The following ADAMTS18 variants were observed in gnomAD, a reference collection of about 807,000 sequenced individuals.
ADAMTS18 encodes ADAM metallopeptidase with thrombospondin type 1 motif 18.
In ADAMTS18, 157 loss-of-function variants were observed where a neutral mutation model predicts 165.9. The observed-to-expected ratio is 0.95, with a 90% CI of 0.83 to 1.08. The LOEUF (loss-of-function observed/expected upper bound fraction) is 1.08, where lower values mean the gene tolerates loss of function less well. Ranked by LOEUF, ADAMTS18 falls within the 50% of genes least tolerant of loss-of-function variation. The pLI, the probability that ADAMTS18 is intolerant of heterozygous loss-of-function variation, is 0.00. For missense variants in ADAMTS18, 2,040 were observed against 1,534.0 expected, an observed-to-expected ratio of 1.33 and a Z score of -5.51; for synonymous variants, 782 against 578.2, an observed-to-expected ratio of 1.35 and a Z score of -5.06.
Position 77,322,469 on chromosome 16 carries a change from A to G in ADAMTS18, c.2033-3T>C. On this transcript the variant is annotated splice_polypyrimidine_tract_variant and splice_region_variant and intron_variant, in intron 13 of 22. Transcript: ENST00000282849. ...GTACAGTTTGCATCGATCTTCCTCT[A>G]GAAACAAAGAGATCAAGATAGGAAA... 6.2e-7 allele frequency: 1 copy of G among 1,613,898 alleles called. No individual in the cohort carries two copies. Among genetic ancestry groups the G allele is most frequent in the Non-Finnish European group, 8.5e-7 (1 of 1,179,860 alleles).
At chr16:77,367,293 C>T (rs2056809048) in intron 4 of ADAMTS18, 148 bp downstream of exon 4, 1 of 828,808 alleles carries the variant, frequency 1.2e-6, no homozygotes, top group African/African-American at 1.7e-5. Context: ...CCAGCATTTG[C>T]CTGAGAGAGA....
At chr16:77,434,391 T>G (rs1438609378) in intron 2 of ADAMTS18, 27 bp downstream of exon 2, 1 of 1,555,934 alleles carries the variant, frequency 6.4e-7, no homozygotes, top group Admixed American at 1.9e-5. Flanking sequence ...GAAAGGCCCT[T>G]CTTGGGGATG....
chr16:77,327,778 C>G (rs1404772716), intron 12 of ADAMTS18, among the ~76,000 whole-genome samples: 2 of 152,134 alleles, frequency 1.3e-5, no homozygotes, highest in South Asian at 2.1e-4. Context: ...AACATGGACC[C>G]AAGCTACCTC....
At chr16:77,334,433 GTATATTATA>G (rs2056254641) in intron 12 of ADAMTS18, among the ~76,000 whole-genome samples, 2 of 108,032 alleles carry the variant, frequency 1.9e-5, no homozygotes, top group African/African-American at 7.8e-5. Flanking sequence ...TATATATACT[GTATATTATA>G]GTATATATTA....
At position 77,339,605 on chromosome 16, in the gene ADAMTS18, A is replaced by AC. The variant is rs1555515106; in HGVS notation, c.1710+2098_1710+2099insG. ...CGATGTTGCTTTTTCAATTAAAAAAAAAAACAAAACACTAATCCTCAAGTC... is the reference window on the plus strand; with the variant it reads ...CGATGTTGCTTTTTCAATTAAAAAAACAAAACAAAACACTAATCCTCAAGTC... On this transcript the variant is annotated intron_variant, in intron 11 of 22. Transcript: ENST00000282849. 5.3e-5 allele frequency among the ~76,000 whole-genome samples: 8 copies of AC among 151,830 alleles called. 1 individual carries two copies. The East Asian group carries it at 9.7e-4, about 18-fold the overall frequency.
At chr16:77,412,019 G>A (rs1001705978) in intron 3 of ADAMTS18, among the ~76,000 whole-genome samples, 3 of 151,970 alleles carry the variant, frequency 2.0e-5, no homozygotes, top group Non-Finnish European at 2.9e-5. Flanking sequence ...CATTCTGGGT[G>A]TGTCTGTGAG....
At chr16:77,335,080 A>T (rs1310242739) in intron 12 of ADAMTS18, among the ~76,000 whole-genome samples, 3 of 147,700 alleles carry the variant, frequency 2.0e-5, no homozygotes, top group Non-Finnish European at 3.0e-5. Flanking sequence ...TATTTGAATT[A>T]ATGGTATTCA....
At chr16:77,381,116 C>T (rs572058555) in intron 3 of ADAMTS18, among the ~76,000 whole-genome samples, 7 of 152,160 alleles carry the variant, frequency 4.6e-5, no homozygotes, top group East Asian at 1.9e-4. Flanking sequence ...TCAGGTAATC[C>T]GCCTGCCTTG....
chr16:77,310,040 T>A (rs2055751735), intron 16 of ADAMTS18, among the ~76,000 whole-genome samples: 1 of 152,224 alleles, frequency 6.6e-6, no homozygotes, highest in South Asian at 2.1e-4. Flanking sequence ...CAGTGGTTTT[T>A]AAAATGTGTG....
intron 20 of ADAMTS18, among the ~76,000 whole-genome samples, chr16:77,292,436 C>T (rs529444343): frequency 3.9e-5 from 6 of 152,258 alleles, no homozygotes; most frequent in Middle Eastern, 6.8e-3. Flanking sequence ...GTAGAGGCTG[C>T]ACCCTCTGTC....
intron 3 of ADAMTS18, among the ~76,000 whole-genome samples, chr16:77,376,927 G>A (rs940756665): frequency 1.3e-5 from 2 of 148,566 alleles, no homozygotes; most frequent in Admixed American, 6.9e-5. Context: ...CGATTCTTCT[G>A]CCTCAGCCTC....
chr16:77,385,977 A>C (rs2057102110), intron 3 of ADAMTS18, among the ~76,000 whole-genome samples: 1 of 152,206 alleles, frequency 6.6e-6, no homozygotes, highest in African/African-American at 2.4e-5. Context: ...AACTGTCCAA[A>C]GTCTCAAAAG....
At chr16:77,354,753 G>C (rs2144716097) in intron 9 of ADAMTS18, among the ~76,000 whole-genome samples, 1 of 152,286 alleles carries the variant, frequency 6.6e-6, no homozygotes, top group South Asian at 2.1e-4. Context: ...AATAAGCAAA[G>C]TTAGCTGCTG....
chr16:77,365,069 G>T (rs990310686), intron 4 of ADAMTS18, among the ~76,000 whole-genome samples: 3 of 152,092 alleles, frequency 2.0e-5, no homozygotes, highest in African/African-American at 7.2e-5. Context: ...TCACCCCACT[G>T]CAGTCCATAA....
At chr16:77,430,373 T>G (rs908628194) in intron 3 of ADAMTS18, among the ~76,000 whole-genome samples, 2 of 152,170 alleles carry the variant, frequency 1.3e-5, no homozygotes, top group African/African-American at 2.4e-5. Flanking sequence ...AAGTTTCAAC[T>G]AACAAAGAAC....
chr16:77,395,620 A>G (rs1158741004), intron 3 of ADAMTS18, among the ~76,000 whole-genome samples: 1 of 152,176 alleles, frequency 6.6e-6, no homozygotes, highest in East Asian at 1.9e-4. Flanking sequence ...ACATAGCTCC[A>G]TGATTCTTTA....
rs1402727284 is a variant in ADAMTS18, at chr16:77,434,471, A to C, written c.125T>G (p.Val42Gly). ...GCTGTCACTGGCTAAGGCCGCGGCG[A>C]CCGACGCACAGCAGAGGCAGCACAG... Reference protein sequence around the residue: ...LQLCCLCCASVAAALASDSSS... With the variant: ...LQLCCLCCASGAAALASDSSS... Residue 42 changes from valine to glycine, a missense_variant, in exon 2 of 23, where the codon GTC becomes GGC. Coordinates refer to ENST00000282849, the MANE Select transcript of ADAMTS18 (RefSeq NM_199355.4). The C allele has an allele frequency of 1.6e-5, 25 of 1,570,264 alleles. No individual in the cohort carries two copies. Among genetic ancestry groups the C allele is most frequent in the Non-Finnish European group, 2.1e-5 (24 of 1,163,004 alleles).
At position 77,300,271 on chromosome 16, in the gene ADAMTS18, C is replaced by T; in HGVS notation, c.2666G>A (p.Cys889Tyr). Residue 889 changes from cysteine (C) to tyrosine (Y), a missense_variant, in exon 17 of 23, where the codon TGT (cysteine) becomes TAT (tyrosine). Coordinates refer to ENST00000282849, the MANE Select transcript of ADAMTS18 (RefSeq NM_199355.4). ...SIVQSECSVS[C>Y]GGGYINVKAI... ...ATGAGAAAATCATCTACCTCCACCACAGGAGACGGAGCACTCTGACTGCAC... is the reference window on the plus strand; with the variant it reads ...ATGAGAAAATCATCTACCTCCACCATAGGAGACGGAGCACTCTGACTGCAC... The T allele has an allele frequency of 6.2e-7, 1 of 1,614,126 alleles. No individual in the cohort carries two copies. Among genetic ancestry groups the T allele is most frequent in the South Asian group, 1.1e-5 (1 of 91,088 alleles).
intron 10 of ADAMTS18, among the ~76,000 whole-genome samples, chr16:77,348,109 G>A (rs370507922): frequency 1.3e-5 from 2 of 151,756 alleles, no homozygotes; most frequent in African/African-American, 4.8e-5. Flanking sequence ...CTAAAACCAG[G>A]GCCTTTTGTT....
Sources: allele counts gnomAD v4.1 joint callset (sites outside exome capture counted in the v4.1 genomes callset), GRCh38; gene constraint gnomAD v4.1.1; transcripts MANE v1.5; gene names NCBI Gene and HGNC (gene_info 2026-07-23, HGNC 2026-07-21).